Variants in ZNF691 observed in about 807,000 individuals in gnomAD.
ZNF691 encodes the protein zinc finger protein 691.
A neutral mutation model predicts 24.1 loss-of-function variants in ZNF691; 11 were observed. That is an observed-to-expected ratio of 0.46 (90% CI 0.29 to 0.75). ZNF691 has a LOEUF of 0.75. Ranked by LOEUF, ZNF691 falls within the 30% of genes least tolerant of loss-of-function variation. The pLI is 0.11. For missense variants in ZNF691, 356 were observed against 409.0 expected (o/e 0.87, Z 1.12); for synonymous variants, 149 against 153.9 (o/e 0.97, Z 0.23).
Position 42,851,586 on chromosome 1 carries a change from A to G in ZNF691, c.721A>G (p.Ser241Gly). ...ECGKSFSNSS[S>G]FGVHHRTHTG... Reference sequence around the variant, plus strand: ...TGGGAAGAGCTTCAGCAACAGCTCCAGCTTTGGCGTGCATCACCGCACCCA... The same window carrying G: ...TGGGAAGAGCTTCAGCAACAGCTCCGGCTTTGGCGTGCATCACCGCACCCA... Residue 241 changes from serine (S) to glycine (G), a missense_variant, in exon 4 of 4, where the codon AGC becomes GGC. By Grantham distance (56) the Ser-to-Gly change is moderately conservative. Coordinates refer to ENST00000651192, the MANE Select transcript of ZNF691 (RefSeq NM_001242739.2). This position sits in a 1 kb window ranked among gnomAD's most constrained non-coding sequence, Gnocchi z 4.7. 6.2e-7 allele frequency: 1 copy of G among 1,614,216 alleles called. No individual in the cohort carries two copies. Among genetic ancestry groups the G allele is most frequent in the Non-Finnish European group, 8.5e-7 (1 of 1,180,030 alleles).
chr1:42,849,013 C>T lies in ZNF691; in HGVS notation c.-217-278C>T, dbSNP rs544736021. Among the ~76,000 whole-genome samples the T allele has an allele frequency of 9.5e-4, 144 of 152,312 alleles. 1 individual carries two copies. The highest frequency in any genetic ancestry group is 1.1e-3 in the Non-Finnish European group (74 of 68,028). On this transcript the variant is annotated intron_variant, in intron 1 of 3. Transcript: ENST00000651192. The stretch of plus-strand genomic sequence containing the variant: ...AAATAAAGTTTTATTAGAGCACAGC[C>T]ACACATTCCTTTATGTCTTGTCTAT...
intron 3 of ZNF691, 27 bp downstream of exon 3, chr1:42,849,769 G>A (rs1240641073): frequency 6.5e-7 from 1 of 1,540,198 alleles, no homozygotes. Flanking sequence ...CTCTTTCCCT[G>A]TCCTTGGCTG....
rs1655371883 is a variant in ZNF691, at chr1:42,851,019, A to T, written c.154A>T (p.Lys52Ter). 6.4e-7 allele frequency: 1 copy of T among 1,559,962 alleles called. No individual in the cohort carries two copies. The highest frequency in any genetic ancestry group is 8.7e-7 in the Non-Finnish European group (1 of 1,155,662). The change falls in exon 4 of 4, where the codon AAG becomes TAG. Residue 52 changes from lysine (K) to a stop codon, truncating the protein, a stop_gained. Transcript: ENST00000651192. LOFTEE classifies it high-confidence loss of function. This position sits in a 1 kb window ranked among gnomAD's most constrained non-coding sequence, Gnocchi z 4.7. The stretch of plus-strand genomic sequence containing the variant: ...CCTGCCTGAGGAAGGGGAAGGGGGT[A>T]AGCCTTGGAGAGTGGATGACTCAGA... The part of the protein sequence containing the change: ...PHLPEEGEGG[K>*]PWRVDDSEGS...
rs1039506235 is a variant in ZNF691 at position 42,851,466 on chromosome 1, T to G, written c.601T>G (p.Cys201Gly). The part of the protein sequence containing the change: ...QDHLGKRPYR[C>G]DICGKSFSQS... ...TCACCTAGGCAAGCGGCCATACCGCTGTGACATCTGTGGCAAGAGCTTCAG... is the reference window on the plus strand; with the variant it reads ...TCACCTAGGCAAGCGGCCATACCGCGGTGACATCTGTGGCAAGAGCTTCAG... The change falls in exon 4 of 4, where the codon TGT (cysteine) becomes GGT (glycine). Residue 201 changes from cysteine to glycine, a missense_variant. Physicochemically the swap from Cys to Gly is radical, Grantham distance 159. Transcript: ENST00000651192. This position sits in a 1 kb window ranked among gnomAD's most constrained non-coding sequence, Gnocchi z 4.7. 6.2e-7 allele frequency: 1 copy of G among 1,614,114 alleles called. No individual in the cohort carries two copies. The highest frequency in any genetic ancestry group is 1.3e-5 in the African/African-American group (1 of 74,956).
chr1:42,846,725 G>A (rs1339041688), intron 1 of ZNF691, 68 bp downstream of exon 1: 1 of 152,352 alleles, frequency 6.6e-6, no homozygotes, highest in Admixed American at 6.5e-5. Context: ...CTCTGTACAC[G>A]GCCACTTCCC....
At position 42,852,397 on chromosome 1, in the gene ZNF691, C is replaced by G; in HGVS notation, c.*584C>G. On this transcript the variant is annotated 3_prime_UTR_variant, in exon 4 of 4. Coordinates refer to ENST00000651192, the MANE Select transcript of ZNF691 (RefSeq NM_001242739.2). ...TGACCCAGGGACCTTCACACTCCCC[C>G]ATGTTTGTTACTTGTTATCCCTCCC... is the stretch of plus-strand genomic sequence containing the variant. The G allele has an allele frequency of 5.4e-6, 1 of 186,344 alleles. No individual in the cohort carries two copies. The highest frequency in any genetic ancestry group is 1.4e-4 in the South Asian group (1 of 7,172). 11.5% of individuals were successfully genotyped at this position (186,344 alleles called of 1,614,324 possible). A position where few individuals can be genotyped will look rare whatever the true frequency, so the allele number is the denominator to read the frequency against.
In ZNF691 at chr1:42,849,677, A is replaced by G. The variant is rs536152474; in HGVS notation, c.19A>G (p.Thr7Ala). The change falls in exon 3 of 4, where the codon ACC (threonine) becomes GCC (alanine). Residue 7 changes from threonine to alanine, a missense_variant. By Grantham distance (58) the Thr-to-Ala change is moderately conservative. Coordinates refer to ENST00000651192, the MANE Select transcript of ZNF691 (RefSeq NM_001242739.2). Reference protein sequence around the residue: MSLCSPTHSAEMSLFLQ... With the variant: MSLCSPAHSAEMSLFLQ... Reference sequence around the variant, plus strand: ...TTTGTTCATGTCACTCTGTTCACCAACCCACTCTGCTGAAATGTCGTTATT... The same window carrying G: ...TTTGTTCATGTCACTCTGTTCACCAGCCCACTCTGCTGAAATGTCGTTATT... 28 of 1,551,112 alleles carry G rather than the reference A, an allele frequency of 1.8e-5. No homozygotes were observed. Among genetic ancestry groups the G allele is most frequent in the South Asian group, 8.3e-5 (7 of 84,046 alleles).
rs778681407 is a variant in ZNF691 at position 42,851,021 on chromosome 1, G to A, written c.156G>A (p.Lys52=). ...TGCCTGAGGAAGGGGAAGGGGGTAA[G>A]CCTTGGAGAGTGGATGACTCAGAGG... is the stretch of plus-strand genomic sequence containing the variant. ...PHLPEEGEGG[K]PWRVDDSEGS... is the part of the protein sequence containing the mutation. The change falls in exon 4 of 4, where the codon AAG becomes AAA. Residue 52 remains lysine (K), a synonymous_variant. Coordinates refer to ENST00000651192, the MANE Select transcript of ZNF691 (RefSeq NM_001242739.2). This position sits in a 1 kb window ranked among gnomAD's most constrained non-coding sequence, Gnocchi z 4.7. 6.4e-7 allele frequency: 1 copy of A among 1,568,030 alleles called. No homozygotes were observed. The highest frequency in any genetic ancestry group is 1.2e-5 in the South Asian group (1 of 82,322).
intron 2 of ZNF691, 23 bp from the exon 3 acceptor site, chr1:42,849,542 T>A: frequency 1.2e-6 from 1 of 835,384 alleles, no homozygotes; most frequent in South Asian, 1.5e-5. Flanking sequence ...CCCCTTTCTT[T>A]ATTCTGTGTT....
At chr1:42,848,858 A>C (rs936402522) in intron 1 of ZNF691, among the ~76,000 whole-genome samples, 57 of 152,216 alleles carry the variant, frequency 3.7e-4, no homozygotes, top group Non-Finnish European at 5.9e-5. Context: ...CTAAGTATCA[A>C]GGAATAGTTT....
Position 42,852,195 on chromosome 1 carries a change from C to A in ZNF691, c.*382C>A, listed in dbSNP as rs1655417937. The stretch of plus-strand genomic sequence containing the variant: ...GAAGGTTCTCCAAATTGTCTGTGAA[C>A]TGCTTAGGTAGGAGTGCACTGCAGT... On this transcript the variant is annotated 3_prime_UTR_variant, in exon 4 of 4. Coordinates refer to ENST00000651192, the MANE Select transcript of ZNF691 (RefSeq NM_001242739.2). 2 of 379,066 alleles carry A rather than the reference C, an allele frequency of 5.3e-6. No individual in the cohort carries two copies. The highest frequency in any genetic ancestry group is 3.8e-5 in the Admixed American group (1 of 26,466). The allele number at this position is 379,066 out of a possible 1,614,324, so 23.5% of individuals were successfully genotyped here. A position where few individuals can be genotyped will look rare whatever the true frequency, so the allele number is the denominator to read the frequency against.
Position 42,849,667 on chromosome 1 carries a change from C to G in ZNF691, c.9C>G (p.Leu3=). 1 of 1,551,048 alleles carries G rather than the reference C, an allele frequency of 6.4e-7. No homozygotes were observed. The highest frequency in any genetic ancestry group is 8.7e-7 in the Non-Finnish European group (1 of 1,146,994). ...CCCTCATCCCTTTGTTCATGTCACTCTGTTCACCAACCCACTCTGCTGAAA... is the reference window on the plus strand; with the variant it reads ...CCCTCATCCCTTTGTTCATGTCACTGTGTTCACCAACCCACTCTGCTGAAA... MS[L]CSPTHSAEMS... The change falls in exon 3 of 4, where the codon CTC becomes CTG. Residue 3 remains leucine (L), a synonymous_variant. Coordinates refer to ENST00000651192, the MANE Select transcript of ZNF691 (RefSeq NM_001242739.2).
At chr1:42,850,878 T>C (rs908187548) in intron 3 of ZNF691, 72 bp from the exon 4 acceptor site, 2 of 1,554,814 alleles carry the variant, frequency 1.3e-6, no homozygotes, top group African/African-American at 2.8e-5. Context: ...CCCTTCAAAC[T>C]GAACAAAAGA....
rs1396609202 is a variant in ZNF691 at position 42,847,283 on chromosome 1, C to G, written c.-218+626C>G. On this transcript the variant is annotated intron_variant, in intron 1 of 3. Transcript: ENST00000651192. Reference sequence around the variant, plus strand: ...GACCTGTAACTTCGGACCTCCATACCGCACTATGGCTTGGCCCCTTGCCTT... The same window carrying G: ...GACCTGTAACTTCGGACCTCCATACGGCACTATGGCTTGGCCCCTTGCCTT... 2.6e-5 allele frequency among the ~76,000 whole-genome samples: 4 copies of G among 152,160 alleles called. No individual in the cohort carries two copies. In the East Asian group the frequency reaches 7.7e-4, roughly 29 times the overall value.
At chr1:42,850,294 G>A (rs534328794) in intron 3 of ZNF691, 2 of 452,012 alleles carry the variant, frequency 4.4e-6, no homozygotes, top group East Asian at 3.2e-4. Context: ...TGTAGTGGAG[G>A]GCACTGACTG....
Position 42,851,102 on chromosome 1 carries a change from A to G in ZNF691, c.237A>G (p.Glu79=). The change falls in exon 4 of 4, where the codon GAA becomes GAG. Residue 79 remains glutamate, a synonymous_variant. Transcript: ENST00000651192. This position sits in a 1 kb window ranked among gnomAD's most constrained non-coding sequence, Gnocchi z 4.7. The stretch of plus-strand genomic sequence containing the variant: ...ATGGGCAAGAGAGCCTGTCGGATGA[A>G]CTGCAAGAAACTCATCCAAAAAAGC... ...KEHGQESLSD[E]LQETHPKKPW... 6.2e-7 allele frequency: 1 copy of G among 1,612,800 alleles called. No homozygotes were observed. The highest frequency in any genetic ancestry group is 1.7e-5 in the Admixed American group (1 of 59,810).
At chr1:42,850,817 C>T (rs1376476961) in intron 3 of ZNF691, 133 bp from the exon 4 acceptor site, 2 of 1,551,804 alleles carry the variant, frequency 1.3e-6, no homozygotes, top group Non-Finnish European at 1.7e-6. Context: ...TCCAAGTATT[C>T]CAGTTGATTG....
chr1:42,848,039 G>A (rs1435693292), intron 1 of ZNF691, among the ~76,000 whole-genome samples: 1 of 152,208 alleles, frequency 6.6e-6, no homozygotes, highest in Non-Finnish European at 1.5e-5. Context: ...CTTCTGCATT[G>A]TATGACAATT....
At position 42,849,336 on chromosome 1, in the gene ZNF691, T is replaced by C; in HGVS notation, c.-172T>C. 1 of 513,904 alleles carries C rather than the reference T, an allele frequency of 1.9e-6. No homozygotes were observed. Among genetic ancestry groups the C allele is most frequent in the South Asian group, 1.5e-5 (1 of 64,944 alleles). 31.8% of individuals were successfully genotyped at this position (513,904 alleles called of 1,614,324 possible). On this transcript the variant is annotated 5_prime_UTR_variant, in exon 2 of 4. Coordinates refer to ENST00000651192, the MANE Select transcript of ZNF691 (RefSeq NM_001242739.2). The stretch of plus-strand genomic sequence containing the variant: ...AACAGTTGTAACAGCAGCTGCCATT[T>C]GCTGAATGACAGCATGTGTCACACA...
Sources: allele counts gnomAD v4.1 joint callset (sites outside exome capture counted in the v4.1 genomes callset), GRCh38; gene constraint gnomAD v4.1.1; non-coding constraint Gnocchi (gnomAD v3.1); transcripts MANE v1.5; gene names NCBI Gene and HGNC (gene_info 2026-07-23, HGNC 2026-07-21).